The following ADAMTSL5 variants were observed in gnomAD, a reference collection of about 807,000 sequenced individuals.
ADAMTSL5 encodes ADAMTS-like protein 5.
A neutral mutation model predicts 51.7 loss-of-function variants in ADAMTSL5; 53 were observed. That is an observed-to-expected ratio of 1.03 (90% confidence interval 0.82 to 1.29). The LOEUF is 1.29. Among genes scored for constraint, ADAMTSL5 ranks in the 50% most tolerant of loss-of-function variants. ADAMTSL5 has a pLI of 0.00. For missense variants in ADAMTSL5, 770 were observed against 676.2 expected, an observed-to-expected ratio of 1.14 and a Z score of -1.54; for synonymous variants, 285 against 278.7, an observed-to-expected ratio of 1.02 and a Z score of -0.23.
chr19:1,511,140 A>G lies in ADAMTSL5; in HGVS notation c.-197T>C. On this transcript the variant is annotated 5_prime_UTR_variant, in exon 2 of 12. Transcript: ENST00000330475. ...AGGAGACGTGGAGCCCGGTATGGAG[A>G]GGAAGAACTCAGAATGTCATCTGCA... The G allele has an allele frequency of 2.5e-6, 1 of 407,862 alleles. No individual in the cohort carries two copies. 25.3% of individuals were successfully genotyped at this position (407,862 alleles called of 1,614,324 possible).
At position 1,505,614 on chromosome 19, in the gene ADAMTSL5, T is replaced by C; in HGVS notation, c.*401A>G. On this transcript the variant is annotated 3_prime_UTR_variant, in exon 12 of 12. Coordinates refer to ENST00000330475, the MANE Select transcript of ADAMTSL5 (RefSeq NM_213604.3). The stretch of plus-strand genomic sequence containing the variant: ...CAGAGAGCAGAGACAGCACAGTGTC[T>C]GGGAAGTAAACAGATGATCTTCTGG... 1 of 182,452 alleles carries C rather than the reference T, an allele frequency of 5.5e-6. No individual in the cohort carries two copies. 11.3% of individuals were successfully genotyped at this position (182,452 alleles called of 1,614,324 possible). A position where few individuals can be genotyped will look rare whatever the true frequency, so the allele number is the denominator to read the frequency against.
chr19:1,508,725 C>A (rs1047541641), intron 5 of ADAMTSL5, 155 bp from the exon 6 acceptor site: 30 of 1,076,388 alleles, frequency 2.8e-5, no homozygotes, highest in Non-Finnish European at 3.5e-5. Context: ...AGGACTGGAC[C>A]GTAGGTGCTC....
Position 1,508,018 on chromosome 19 carries a change from T to A in ADAMTSL5, c.581A>T (p.Gln194Leu). 1.2e-6 allele frequency: 2 copies of A among 1,603,880 alleles called. No homozygotes were observed. Among genetic ancestry groups the A allele is most frequent in the Non-Finnish European group, 1.7e-6 (2 of 1,176,040 alleles). The change falls in exon 7 of 12, where the codon CAG becomes CTG. Residue 194 changes from glutamine to leucine, a missense_variant. Gln to Leu is a moderately radical substitution (Grantham distance 113). Coordinates refer to ENST00000330475, the MANE Select transcript of ADAMTSL5 (RefSeq NM_213604.3). ...GTCACCGGCGTCACGAAACACGCGC[T>A]GCACGAAAAGGCACGAGTCGTTGGC... ...GGANDSCLFV[Q>L]RVFRDAGAFA...
In ADAMTSL5 at chr19:1,510,967, G is replaced by T. The variant is rs1261934250; in HGVS notation, c.-24C>A. On this transcript the variant is annotated 5_prime_UTR_variant, in exon 2 of 12. Coordinates refer to ENST00000330475, the MANE Select transcript of ADAMTSL5 (RefSeq NM_213604.3). The stretch of plus-strand genomic sequence containing the variant: ...ATAGAGCCACCGCCAGAGACACAGG[G>T]TTGTGTCCCGGCTCTGCCCTGACTG... 1.4e-6 allele frequency: 2 copies of T among 1,394,782 alleles called. No individual in the cohort carries two copies. Among genetic ancestry groups the T allele is most frequent in the Non-Finnish European group, 1.9e-6 (2 of 1,069,790 alleles). The allele number at this position is 1,394,782 out of a possible 1,614,324, so 86.4% of individuals were successfully genotyped here. A position where few individuals can be genotyped will look rare whatever the true frequency, so the allele number is the denominator to read the frequency against.
intron 1 of ADAMTSL5, among the ~76,000 whole-genome samples, chr19:1,512,315 C>T (rs956866043): frequency 3.9e-5 from 6 of 152,320 alleles, no homozygotes; most frequent in South Asian, 2.1e-4. Flanking sequence ...CTGCTGCATC[C>T]GTGCCCCTCT....
At position 1,506,162 on chromosome 19, in the gene ADAMTSL5, G is replaced by A; in HGVS notation, c.1269C>T (p.His423=). 1 of 1,609,258 alleles carries A rather than the reference G, an allele frequency of 6.2e-7. No individual in the cohort carries two copies. The highest frequency in any genetic ancestry group is 8.5e-7 in the Non-Finnish European group (1 of 1,177,702). The stretch of plus-strand genomic sequence containing the variant: ...GCTGGACAGCCATCAGGTAGTCCCG[G>A]TGGGGTGCCAGCATCGGGCAGGGGC... ...GHCPCPMLAP[H]RDYLMAVQRL... is the part of the protein sequence containing the mutation. Residue 423 remains histidine (H), a synonymous_variant, in exon 12 of 12, where the codon CAC becomes CAT. Coordinates refer to ENST00000330475, the MANE Select transcript of ADAMTSL5 (RefSeq NM_213604.3). This position sits in a 1 kb window ranked among gnomAD's most constrained non-coding sequence, Gnocchi z 5.6.
intron 1 of ADAMTSL5, among the ~76,000 whole-genome samples, 191 bp downstream of exon 1, chr19:1,512,772 G>T (rs1403140566): frequency 1.3e-5 from 2 of 152,124 alleles, no homozygotes; most frequent in Non-Finnish European, 2.9e-5. Flanking sequence ...AGGAGTGGGG[G>T]TCTAGGTGGT....
Position 1,505,840 on chromosome 19 carries a change from G to T in ADAMTSL5, c.*175C>A. 1.3e-6 allele frequency: 1 copy of T among 781,784 alleles called. No individual in the cohort carries two copies. Among genetic ancestry groups the T allele is most frequent in the Non-Finnish European group, 1.9e-6 (1 of 530,906 alleles). The allele number at this position is 781,784 out of a possible 1,614,324, so 48.4% of individuals were successfully genotyped here. On this transcript the variant is annotated 3_prime_UTR_variant, in exon 12 of 12. Transcript: ENST00000330475. ...CAGTGCCTGCCGGCTTGTGACAGTGGCTTTGACTGCATGCAGAGGTGTCTT... is the reference window on the plus strand; with the variant it reads ...CAGTGCCTGCCGGCTTGTGACAGTGTCTTTGACTGCATGCAGAGGTGTCTT...
chr19:1,510,831 A>G lies in ADAMTSL5; in HGVS notation c.99+14T>C. On this transcript the variant is annotated intron_variant, in intron 2 of 11. Coordinates refer to ENST00000330475, the MANE Select transcript of ADAMTSL5 (RefSeq NM_213604.3). ...TTCCCACTCGCCACCCCCTGGGCTC[A>G]TGCCCCCCCTTACCTGAGCACTGAC... The G allele has an allele frequency of 2.0e-6, 3 of 1,528,804 alleles. No individual in the cohort carries two copies. The highest frequency in any genetic ancestry group is 2.5e-5 in the East Asian group (1 of 40,332). 94.7% of individuals were successfully genotyped at this position (1,528,804 alleles called of 1,614,324 possible).
At position 1,506,528 on chromosome 19, in the gene ADAMTSL5, C is replaced by T; in HGVS notation, c.1114+62G>A. ...GTCAAGGGTAAAGTCAGATTAGGGT[C>T]AGAGGTCAGGAGGAGGCCAGGTTAG... is the stretch of plus-strand genomic sequence containing the variant. On this transcript the variant is annotated intron_variant, in intron 11 of 11. Coordinates refer to ENST00000330475, the MANE Select transcript of ADAMTSL5 (RefSeq NM_213604.3). The surrounding 1 kb of genome is among the most constrained non-coding windows in gnomAD (Gnocchi z 5.6). 1.3e-6 allele frequency: 2 copies of T among 1,563,140 alleles called. No individual in the cohort carries two copies. Among genetic ancestry groups the T allele is most frequent in the South Asian group, 1.2e-5 (1 of 86,586 alleles).
intron 6 of ADAMTSL5, 163 bp from the exon 7 acceptor site, chr19:1,508,272 G>T: frequency 8.7e-7 from 1 of 1,151,938 alleles, no homozygotes; most frequent in Non-Finnish European, 1.2e-6. Flanking sequence ...TGGCGCCCGG[G>T]AGTGGGTGCC....
intron 3 of ADAMTSL5, 86 bp from the exon 4 acceptor site, chr19:1,510,514 C>T (rs535571856): frequency 1.6e-5 from 24 of 1,508,694 alleles, no homozygotes; most frequent in African/African-American, 2.8e-5. Flanking sequence ...CAACCCCACC[C>T]GCATTCCAGC....
chr19:1,506,370 A>C lies in ADAMTSL5; in HGVS notation c.1115-54T>G. On this transcript the variant is annotated intron_variant, in intron 11 of 11. Coordinates refer to ENST00000330475, the MANE Select transcript of ADAMTSL5 (RefSeq NM_213604.3). The surrounding 1 kb of genome is among the most constrained non-coding windows in gnomAD (Gnocchi z 5.6). ...GCTGCTCAACTCTGCGCAAATCTCT[A>C]CGCCCCCTCCCTTGCCAGAAGAGGG... 2 of 1,527,514 alleles carry C rather than the reference A, an allele frequency of 1.3e-6. No individual in the cohort carries two copies. Among genetic ancestry groups the C allele is most frequent in the Non-Finnish European group, 1.8e-6 (2 of 1,135,304 alleles). The allele number at this position is 1,527,514 out of a possible 1,614,324, so 94.6% of individuals were successfully genotyped here. A position where few individuals can be genotyped will look rare whatever the true frequency, so the allele number is the denominator to read the frequency against.
Position 1,507,271 on chromosome 19 carries a change from C to T in ADAMTSL5, c.823G>A (p.Gly275Arg), listed in dbSNP as rs149051157. 4,277 of 1,555,862 alleles carry T rather than the reference C, an allele frequency of 2.7e-3. 11 individuals carry two copies. Among genetic ancestry groups the T allele is most frequent in the South Asian group, 7.3e-3 (597 of 81,554 alleles). Residue 275 changes from glycine (G) to arginine (R), a missense_variant, in exon 9 of 12, where the codon GGG becomes AGG. Transcript: ENST00000330475. The stretch of plus-strand genomic sequence containing the variant: ...AGGAGCAGGTCATGGGAGGTGGGCC[C>T]GGCTGCTTGCAATGTCTCCTGGGGC... The part of the protein sequence containing the change: ...TGPQETLQAA[G>R]PTSHDLLLQV...
intron 1 of ADAMTSL5, chr19:1,511,636 G>A: frequency 8.0e-7 from 1 of 1,257,034 alleles, no homozygotes; most frequent in South Asian, 1.2e-5. Context: ...TTTCCGTGTG[G>A]CCTGAGGCCA....
In ADAMTSL5 at chr19:1,506,076, C is replaced by G. The variant is rs200991237; in HGVS notation, c.1355G>C (p.Arg452Pro). The change falls in exon 12 of 12, where the codon CGG becomes CCG. Residue 452 changes from arginine to proline, a missense_variant. Transcript: ENST00000330475. This position sits in a 1 kb window ranked among gnomAD's most constrained non-coding sequence, Gnocchi z 5.6. ...QLLLPHAGYA[R>P]PWSPAEDSRI... The stretch of plus-strand genomic sequence containing the variant: ...GCTGTCCTCCGCAGGGCTCCAGGGC[C>G]GGGCGTAGCCGGCGTGGGGCAGCAG... The G allele has an allele frequency of 1.3e-6, 2 of 1,597,446 alleles. No homozygotes were observed. The highest frequency in any genetic ancestry group is 1.7e-6 in the Non-Finnish European group (2 of 1,175,796).
At position 1,507,651 on chromosome 19, in the gene ADAMTSL5, G is replaced by A; in HGVS notation, c.602-8C>T. 1 of 1,612,468 alleles carries A rather than the reference G, an allele frequency of 6.2e-7. No individual in the cohort carries two copies. Among genetic ancestry groups the A allele is most frequent in the Non-Finnish European group, 8.5e-7 (1 of 1,179,116 alleles). ...AGTACCCAGCGAAGGCACCTGGGTG[G>A]GAGGGTAGGAGGGTGTTGGGGTGCC... On this transcript the variant is annotated splice_region_variant and splice_polypyrimidine_tract_variant and intron_variant, in intron 7 of 11. Transcript: ENST00000330475.
At chr19:1,512,455 CG>C (rs1568246317) in intron 1 of ADAMTSL5, among the ~76,000 whole-genome samples, 1 of 152,106 alleles carries the variant, frequency 6.6e-6, no homozygotes, top group Non-Finnish European at 1.5e-5. Flanking sequence ...CCAAGACAGG[CG>C]GATCACCTGA....
At chr19:1,507,832 C>T (rs1913029428) in intron 7 of ADAMTSL5, among the ~76,000 whole-genome samples, 166 bp downstream of exon 7, 1 of 152,034 alleles carries the variant, frequency 6.6e-6, no homozygotes, top group African/African-American at 2.4e-5. Context: ...AAAACCCCAT[C>T]TGTCCTGGGG....
Sources: gnomAD v4.1 joint callset for allele counts (sites outside exome capture counted in the v4.1 genomes callset) on GRCh38, gnomAD v4.1.1 for gene constraint, Gnocchi (gnomAD v3.1) non-coding constraint, MANE v1.5 for transcripts, NCBI Gene and HGNC (gene_info 2026-07-23, HGNC 2026-07-21) for gene names.